The following RARB variants were observed in gnomAD, a reference collection of about 807,000 sequenced individuals.
The protein encoded by RARB is retinoic acid receptor beta.
In RARB, 17 loss-of-function variants were observed where a neutral mutation model predicts 51.9. The ratio of observed to expected loss-of-function variants is 0.33; its 90% CI spans 0.22 to 0.49. The LOEUF is 0.49. Ranked by LOEUF, RARB falls within the 20% of genes least tolerant of loss-of-function variation. The pLI is 0.99. For missense variants in RARB, 369 were observed against 550.8 expected, an observed-to-expected ratio of 0.67 and a Z score of 3.30; for synonymous variants, 215 against 195.4, an observed-to-expected ratio of 1.10 and a Z score of -0.84.
chr3:25,009,650 C>A (rs749989704), intron 2 of RARB, among the ~76,000 whole-genome samples: 21 of 152,068 alleles, frequency 1.4e-4, no homozygotes, highest in Non-Finnish European at 3.1e-4. Context: ...GCATTTCACC[C>A]TCTGAGTCTC....
intron 1 of RARB, among the ~76,000 whole-genome samples, chr3:24,846,552 A>G (rs1702488007): frequency 6.6e-6 from 1 of 152,210 alleles, no homozygotes; most frequent in Admixed American, 6.5e-5. Flanking sequence ...GCAGGAATCA[A>G]ACTTTCCTAT....
chr3:24,971,038 T>C (rs1018281604), intron 2 of RARB, among the ~76,000 whole-genome samples: 7 of 152,004 alleles, frequency 4.6e-5, no homozygotes, highest in African/African-American at 2.4e-5. Context: ...CAATGTACTT[T>C]ATTATCAGGT....
intron 5 of RARB, among the ~76,000 whole-genome samples, chr3:25,257,124 G>T (rs1298830682): frequency 6.6e-6 from 1 of 152,114 alleles, no homozygotes; most frequent in African/African-American, 2.4e-5. Flanking sequence ...GAACTTACCA[G>T]CAACACATAT....
intron 5 of RARB, among the ~76,000 whole-genome samples, chr3:25,262,881 C>G (rs946278524): frequency 6.6e-6 from 1 of 152,176 alleles, no homozygotes; most frequent in African/African-American, 2.4e-5. Context: ...GTGCTTACCT[C>G]TATCATTCCA....
At chr3:25,202,634 G>T (rs2125371833) in intron 5 of RARB, among the ~76,000 whole-genome samples, 1 of 152,208 alleles carries the variant, frequency 6.6e-6, no homozygotes, top group South Asian at 2.1e-4. Context: ...GGTATGTTGT[G>T]TCTTTGTTCT....
intron 2 of RARB, among the ~76,000 whole-genome samples, chr3:25,036,120 T>G (rs1697988291): frequency 6.6e-6 from 1 of 152,178 alleles, no homozygotes; most frequent in African/African-American, 2.4e-5. Flanking sequence ...TTTGAGTTAT[T>G]TCTGGCTTTT....
At chr3:25,183,584 T>C (rs1700911435) in intron 5 of RARB, among the ~76,000 whole-genome samples, 1 of 152,220 alleles carries the variant, frequency 6.6e-6, no homozygotes, top group Non-Finnish European at 1.5e-5. Context: ...CAAGTTTCAG[T>C]CACCGAGGGA....
chr3:24,893,485 C>G (rs539850561), intron 2 of RARB, among the ~76,000 whole-genome samples: 5 of 152,128 alleles, frequency 3.3e-5, no homozygotes, highest in African/African-American at 1.2e-4. Flanking sequence ...AAACAGCTCA[C>G]GCTGATGACA....
intron 3 of RARB, among the ~76,000 whole-genome samples, chr3:25,098,353 A>C (rs995513373): frequency 2.5e-4 from 38 of 152,348 alleles, no homozygotes; most frequent in African/African-American, 9.1e-4. Context: ...AAATTGTAGC[A>C]CATAACTTAG....
At chr3:25,013,441 C>T (rs1440836213) in intron 2 of RARB, among the ~76,000 whole-genome samples, 10 of 152,034 alleles carry the variant, frequency 6.6e-5, no homozygotes, top group African/African-American at 7.2e-5. Flanking sequence ...TCTACTTTCC[C>T]AACTATTCTT....
chr3:24,863,484 G>C (rs559194331), intron 2 of RARB, among the ~76,000 whole-genome samples: 4 of 152,186 alleles, frequency 2.6e-5, no homozygotes, highest in Admixed American at 1.3e-4. Flanking sequence ...AATATCATTT[G>C]CCTGCCAGTT....
intron 2 of RARB, among the ~76,000 whole-genome samples, chr3:24,950,636 T>G (rs187034054): frequency 6.6e-6 from 1 of 151,342 alleles, no homozygotes; most frequent in East Asian, 2.0e-4. Flanking sequence ...ATGTTTGCTA[T>G]GTGCACAGCT....
chr3:25,471,054 T>C (rs912826109), intron 2 of RARB, among the ~76,000 whole-genome samples: 1 of 152,214 alleles, frequency 6.6e-6, no homozygotes, highest in Non-Finnish European at 1.5e-5. Flanking sequence ...ATAATGCAAA[T>C]AGTATATTAC....
chr3:24,979,567 G>GT (rs1026488562), intron 2 of RARB, among the ~76,000 whole-genome samples: 7 of 150,836 alleles, frequency 4.6e-5, no homozygotes, highest in Non-Finnish European at 5.9e-5. Context: ...AACTCCTCCT[G>GT]TTTTTTTTGT....
chr3:24,886,294 C>A (rs76394223), intron 2 of RARB, among the ~76,000 whole-genome samples: 1 of 152,134 alleles, frequency 6.6e-6, no homozygotes, highest in African/African-American at 2.4e-5. Flanking sequence ...GGCTGATTCA[C>A]TCATTTCTTT....
intron 4 of RARB, among the ~76,000 whole-genome samples, chr3:25,162,610 T>G (rs764248163): frequency 6.6e-6 from 1 of 152,220 alleles, no homozygotes; most frequent in Non-Finnish European, 1.5e-5. Flanking sequence ...ACCTGACAAC[T>G]ACTAATCTAC....
chr3:24,949,252 C>A (rs532781326), intron 2 of RARB, among the ~76,000 whole-genome samples: 1 of 152,258 alleles, frequency 6.6e-6, no homozygotes, highest in African/African-American at 2.4e-5. Context: ...AGCTGTGTTG[C>A]AGATGGGAAA....
At chr3:24,882,056 C>G (rs1371385977) in intron 2 of RARB, among the ~76,000 whole-genome samples, 1 of 151,998 alleles carries the variant, frequency 6.6e-6, no homozygotes, top group Non-Finnish European at 1.5e-5. Context: ...AAATGAAAGT[C>G]TAATAGTGAC....
chr3:25,052,324 C>T (rs544919947), intron 2 of RARB, among the ~76,000 whole-genome samples: 1 of 152,110 alleles, frequency 6.6e-6, no homozygotes, highest in African/African-American at 2.4e-5. Flanking sequence ...AATTCTATTA[C>T]AGATTCATTG....
Sources: gnomAD v4.1 joint callset for allele counts (sites outside exome capture counted in the v4.1 genomes callset) on GRCh38, gnomAD v4.1.1 for gene constraint, MANE v1.5 for transcripts, NCBI Gene and HGNC (gene_info 2026-07-23, HGNC 2026-07-21) for gene names.